Variants in CACNA1A observed in about 807,000 individuals in gnomAD.
CACNA1A encodes calcium voltage-gated channel subunit alpha1 A.
CACNA1A carries 57 observed loss-of-function variants against 262.4 expected under a neutral mutation model. The ratio of observed to expected loss-of-function variants is 0.22; its 90% CI spans 0.18 to 0.27. The LOEUF is 0.27. Among genes scored for constraint, CACNA1A ranks in the 10% least tolerant of loss-of-function variants. The pLI is 1.00. For synonymous variants in CACNA1A, 1,431 were observed against 1,419.3 expected (o/e 1.01, Z -0.18); for missense variants, 2,526 against 3,562.8 (o/e 0.71, Z 7.41).
At chr19:13,310,777 G>A (rs1167390080) in intron 12 of CACNA1A, among the ~76,000 whole-genome samples, 2 of 151,316 alleles carry the variant, frequency 1.3e-5, no homozygotes, top group African/African-American at 2.4e-5. Context: ...AGGTTGCTCA[G>A]GACATTTTAA....
chr19:13,493,494 G>A (rs747835204), intron 1 of CACNA1A, among the ~76,000 whole-genome samples: 1 of 152,216 alleles, frequency 6.6e-6, no homozygotes, highest in Non-Finnish European at 1.5e-5. Context: ...CCCCTTGGGG[G>A]AAAAATTGCT....
intron 4 of CACNA1A, among the ~76,000 whole-genome samples, chr19:13,367,589 G>A (rs1007209898): frequency 7.4e-5 from 11 of 148,020 alleles, no homozygotes; most frequent in Middle Eastern, 3.5e-3. Context: ...TTAGCTGGGC[G>A]TGGTGGCGGG....
At chr19:13,366,068 A>G (rs2059205877) in intron 4 of CACNA1A, 1 of 151,964 alleles carries the variant, frequency 6.6e-6, no homozygotes, top group Non-Finnish European at 1.5e-5. Flanking sequence ...GGCTCACTGC[A>G]AGCTCCGCCT....
chr19:13,333,091 C>T (rs1319080587), intron 8 of CACNA1A, among the ~76,000 whole-genome samples, 166 bp from the exon 9 acceptor site: 1 of 152,172 alleles, frequency 6.6e-6, no homozygotes, highest in Non-Finnish European at 1.5e-5. Flanking sequence ...TCAAGCCCCA[C>T]CTCCGCAACA....
At chr19:13,336,960 C>G (rs1275812405) in intron 6 of CACNA1A, among the ~76,000 whole-genome samples, 1 of 152,232 alleles carries the variant, frequency 6.6e-6, no homozygotes, top group African/African-American at 2.4e-5. Context: ...CCCTGTGACA[C>G]CTGCAGAATG....
At chr19:13,482,062 C>A (rs1329976914) in intron 1 of CACNA1A, among the ~76,000 whole-genome samples, 1 of 151,816 alleles carries the variant, frequency 6.6e-6, no homozygotes, top group African/African-American at 2.4e-5. Flanking sequence ...AAGATTTTCA[C>A]TTAAAGGGAA....
intron 38 of CACNA1A, among the ~76,000 whole-genome samples, 165 bp downstream of exon 38, chr19:13,224,502 A>C (rs1600113841): frequency 6.6e-6 from 1 of 151,268 alleles, no homozygotes; most frequent in East Asian, 1.9e-4. Flanking sequence ...AAAAAAAAAA[A>C]AAACACCAAA....
Position 13,340,743 on chromosome 19 carries a change from T to C in CACNA1A, c.979-4834A>G, listed in dbSNP as rs533940424. Among the ~76,000 whole-genome samples, 4 of 152,254 alleles carry C rather than the reference T, an allele frequency of 2.6e-5. No homozygotes were observed. In the South Asian group the frequency reaches 8.3e-4, roughly 32 times the overall value. On this transcript the variant is annotated intron_variant, in intron 6 of 46. Coordinates refer to ENST00000360228, the MANE Select transcript of CACNA1A (RefSeq NM_001127222.2). ...CGCCTGGCCGAGAGGTCAAGTTACA[T>C]GCCCACAGTTCTGTTGTGGGTTGCA...
intron 6 of CACNA1A, among the ~76,000 whole-genome samples, chr19:13,348,969 C>T (rs1012288739): frequency 1.4e-5 from 2 of 142,356 alleles, no homozygotes; most frequent in African/African-American, 5.4e-5. Flanking sequence ...GATTGCGCCA[C>T]TGCACTCTAG....
At chr19:13,321,956 C>T (rs2058263535) in intron 10 of CACNA1A, among the ~76,000 whole-genome samples, 1 of 152,098 alleles carries the variant, frequency 6.6e-6, no homozygotes, top group African/African-American at 2.4e-5. Flanking sequence ...GTAATCCCAA[C>T]ACTTTGGGAG....
chr19:13,230,636 C>T (rs1232886761), intron 35 of CACNA1A, among the ~76,000 whole-genome samples: 1 of 152,008 alleles, frequency 6.6e-6, no homozygotes, highest in Non-Finnish European at 1.5e-5. Flanking sequence ...GAAACACTGT[C>T]TCTACTAAAA....
At chr19:13,294,203 C>CA (rs57648096) in intron 19 of CACNA1A, among the ~76,000 whole-genome samples, 1,487 of 99,498 alleles carry the variant, frequency 0.015, 38 homozygotes, top group African/African-American at 0.048. Context: ...GACCCTGCCT[C>CA]AAAAAAAAAA....
chr19:13,206,857 T>TTCA lies in CACNA1A; in HGVS notation c.*453_*455dup, dbSNP rs1407192569. 1.3e-5 allele frequency: 2 copies of TTCA among 154,900 alleles called. No individual in the cohort carries two copies. Among genetic ancestry groups the TTCA allele is most frequent in the African/African-American group, 4.8e-5 (2 of 41,384 alleles). 9.6% of individuals were successfully genotyped at this position (154,900 alleles called of 1,614,324 possible). A position where few individuals can be genotyped will look rare whatever the true frequency, so the allele number is the denominator to read the frequency against. On this transcript the variant is annotated 3_prime_UTR_variant, in exon 47 of 47. Coordinates refer to ENST00000360228, the MANE Select transcript of CACNA1A (RefSeq NM_001127222.2). The stretch of plus-strand genomic sequence containing the variant: ...TTGCCGCACTCGGCCACCAGCTGTC[T>TTCA]TCATCAGGGAAAGGAAAGATTCAAT...
chr19:13,325,960 T>A (rs752672900), intron 10 of CACNA1A, among the ~76,000 whole-genome samples: 7 of 152,214 alleles, frequency 4.6e-5, no homozygotes, highest in Non-Finnish European at 1.0e-4. Context: ...TACATTGTTA[T>A]TAATACAGTC....
intron 23 of CACNA1A, among the ~76,000 whole-genome samples, chr19:13,276,857 A>G (rs2057161345): frequency 6.6e-6 from 1 of 151,872 alleles, no homozygotes; most frequent in African/African-American, 2.4e-5. Flanking sequence ...GATTACAGAC[A>G]TGTGCCACCA....
chr19:13,353,451 G>C (rs972014206), intron 6 of CACNA1A, among the ~76,000 whole-genome samples: 5 of 151,942 alleles, frequency 3.3e-5, no homozygotes, highest in African/African-American at 1.2e-4. Context: ...ATCATTATAT[G>C]GTGAGCCTTT....
At chr19:13,335,280 G>A (rs540520018) in intron 7 of CACNA1A, among the ~76,000 whole-genome samples, 10 of 152,246 alleles carry the variant, frequency 6.6e-5, no homozygotes, top group Non-Finnish European at 1.3e-4. Flanking sequence ...GTGGCCATCC[G>A]GAGGGCGTGA....
At chr19:13,279,064 G>A (rs943348020) in intron 22 of CACNA1A, among the ~76,000 whole-genome samples, 4 of 152,042 alleles carry the variant, frequency 2.6e-5, no homozygotes, top group Non-Finnish European at 4.4e-5. Flanking sequence ...TCCCTGGCTC[G>A]CTCAGTACCT....
intron 3 of CACNA1A, among the ~76,000 whole-genome samples, chr19:13,372,597 C>T (rs955715408): frequency 3.9e-5 from 6 of 152,226 alleles, no homozygotes; most frequent in African/African-American, 1.4e-4. Flanking sequence ...CATCCCTGCT[C>T]TGTGCCTCAG....
Sources: gnomAD v4.1 joint callset for allele counts (sites outside exome capture counted in the v4.1 genomes callset) on GRCh38, gnomAD v4.1.1 for gene constraint, MANE v1.5 for transcripts, NCBI Gene and HGNC (gene_info 2026-07-23, HGNC 2026-07-21) for gene names.